Variants in CSMD1 observed in about 807,000 individuals in gnomAD.
The protein encoded by CSMD1 is CUB and Sushi multiple domains 1.
Under a neutral mutation model 417.5 loss-of-function variants are expected in CSMD1, and 213 were observed. That is an observed-to-expected ratio of 0.51 (90% confidence interval 0.46 to 0.57). The LOEUF (loss-of-function observed/expected upper bound fraction) is 0.57, where lower values mean the gene tolerates loss of function less well. Among genes scored for constraint, CSMD1 ranks in the 20% least tolerant of loss-of-function variants. The pLI is 0.00. For missense variants in CSMD1, 6,923 were observed against 4,529.7 expected (o/e 1.53, Z -15.17); for synonymous variants, 2,862 against 1,736.8 (o/e 1.65, Z -16.11).
chr8:3,828,912 T>G (rs1274284101), intron 5 of CSMD1, among the ~76,000 whole-genome samples: 1 of 152,178 alleles, frequency 6.6e-6, no homozygotes, highest in Non-Finnish European at 1.5e-5. Context: ...GGCCTTCAGC[T>G]CACCCATTAC....
At chr8:4,682,498 C>G (rs1243831065) in intron 1 of CSMD1, among the ~76,000 whole-genome samples, 1 of 151,288 alleles carries the variant, frequency 6.6e-6, no homozygotes, top group Non-Finnish European at 1.5e-5. Flanking sequence ...ATGAAAGATA[C>G]AGGAAAAAGA....
At chr8:4,688,540 T>G (rs1038858769) in intron 1 of CSMD1, among the ~76,000 whole-genome samples, 1 of 152,184 alleles carries the variant, frequency 6.6e-6, no homozygotes, top group Non-Finnish European at 1.5e-5. Flanking sequence ...TTCTCCAAAA[T>G]GGCTCTTAAT....
At chr8:3,538,181 C>G (rs1054790221) in intron 10 of CSMD1, among the ~76,000 whole-genome samples, 1 of 151,888 alleles carries the variant, frequency 6.6e-6, no homozygotes, top group African/African-American at 2.4e-5. Context: ...GACGGATCAA[C>G]TACACCTTGC....
intron 15 of CSMD1, 44 bp downstream of exon 15, chr8:3,405,983 G>A (rs1812319998): frequency 1.9e-6 from 3 of 1,575,420 alleles, no homozygotes; most frequent in African/African-American, 2.7e-5. Flanking sequence ...GAAGATAGAT[G>A]TGTGATTTCA....
At chr8:3,035,649 G>A (rs1265260320) in intron 50 of CSMD1, among the ~76,000 whole-genome samples, 1 of 152,138 alleles carries the variant, frequency 6.6e-6, no homozygotes, top group Non-Finnish European at 1.5e-5. Flanking sequence ...TAAAATTTTG[G>A]TCAACCTGGG....
chr8:3,425,987 A>G (rs1399994114), intron 12 of CSMD1, among the ~76,000 whole-genome samples: 1 of 152,204 alleles, frequency 6.6e-6, no homozygotes, highest in Admixed American at 6.5e-5. Context: ...TCTGTGAACA[A>G]AAAAGCTGGG....
intron 2 of CSMD1, among the ~76,000 whole-genome samples, chr8:4,567,128 T>C (rs1463701616): frequency 2.6e-5 from 4 of 152,182 alleles, no homozygotes; most frequent in Non-Finnish European, 4.4e-5. Context: ...AATCACAGCA[T>C]CACAGCCCTA....
chr8:4,619,066 T>G (rs1226217879), intron 2 of CSMD1, among the ~76,000 whole-genome samples: 1 of 152,170 alleles, frequency 6.6e-6, no homozygotes, highest in Non-Finnish European at 1.5e-5. Context: ...TTTTTCCCGG[T>G]ACGAAAGCCA....
intron 2 of CSMD1, among the ~76,000 whole-genome samples, chr8:4,426,363 T>C (rs902169701): frequency 9.3e-5 from 14 of 150,242 alleles, no homozygotes; most frequent in Non-Finnish European, 1.9e-4. Context: ...AAAATCCTTT[T>C]TATATATTTT....
At chr8:4,380,469 C>T (rs981174594) in intron 3 of CSMD1, among the ~76,000 whole-genome samples, 1 of 152,156 alleles carries the variant, frequency 6.6e-6, no homozygotes, top group Admixed American at 6.5e-5. Flanking sequence ...TCCAATCTGT[C>T]GAGGTCATCA....
chr8:4,296,902 G>C (rs557339049), intron 3 of CSMD1, among the ~76,000 whole-genome samples: 11 of 152,170 alleles, frequency 7.2e-5, no homozygotes, highest in Admixed American at 3.3e-4. Flanking sequence ...ATCTCATGGA[G>C]ATTATATTCC....
intron 50 of CSMD1, among the ~76,000 whole-genome samples, chr8:3,037,967 T>C (rs1810807841): frequency 1.3e-5 from 2 of 152,210 alleles, no homozygotes; most frequent in African/African-American, 4.8e-5. Flanking sequence ...CACTACTGTT[T>C]TTTCCATTTG....
At chr8:3,238,177 G>C (rs1032530101) in intron 26 of CSMD1, among the ~76,000 whole-genome samples, 6 of 151,956 alleles carry the variant, frequency 3.9e-5, no homozygotes, top group Non-Finnish European at 7.4e-5. Flanking sequence ...TTGTTCTCTG[G>C]TGGGCAGGTG....
rs941025176 is a variant in CSMD1, at chr8:2,952,097, C to A, written c.10040-822G>T. ...GTTTAAAAATGTGTATAAAATCCTG[C>A]CATTTTCACACATAAACGTGAATTG... is the stretch of plus-strand genomic sequence containing the variant. On this transcript the variant is annotated intron_variant, in intron 65 of 69. Coordinates refer to ENST00000635120, the MANE Select transcript of CSMD1 (RefSeq NM_033225.6). Among the ~76,000 whole-genome samples the A allele has an allele frequency of 6.6e-5, 10 of 152,100 alleles. No individual in the cohort carries two copies. The East Asian group carries it at 1.4e-3, about 21-fold the overall frequency.
At chr8:3,499,873 C>A (rs1038023136) in intron 10 of CSMD1, among the ~76,000 whole-genome samples, 3 of 152,018 alleles carry the variant, frequency 2.0e-5, no homozygotes, top group African/African-American at 7.2e-5. Context: ...GAAAATGGCA[C>A]CATGCTGCAG....
chr8:4,491,828 A>C (rs1801719422), intron 2 of CSMD1, among the ~76,000 whole-genome samples: 1 of 152,178 alleles, frequency 6.6e-6, no homozygotes, highest in African/African-American at 2.4e-5. Flanking sequence ...TTACAAAGCT[A>C]AACACAGTCT....
At chr8:4,362,119 G>C (rs1260395124) in intron 3 of CSMD1, among the ~76,000 whole-genome samples, 1 of 152,114 alleles carries the variant, frequency 6.6e-6, no homozygotes, top group Non-Finnish European at 1.5e-5. Flanking sequence ...ACAAATCCAA[G>C]TACTTTATAA....
At chr8:2,999,554 G>A (rs1193493111) in intron 53 of CSMD1, among the ~76,000 whole-genome samples, 2 of 152,174 alleles carry the variant, frequency 1.3e-5, no homozygotes, top group Admixed American at 1.3e-4. Flanking sequence ...GAGGCAGGGA[G>A]TGCCGCTGTT....
At chr8:4,327,058 G>A (rs532639410) in intron 3 of CSMD1, among the ~76,000 whole-genome samples, 5 of 152,124 alleles carry the variant, frequency 3.3e-5, no homozygotes, top group Non-Finnish European at 5.9e-5. Flanking sequence ...CTCAGAAGAC[G>A]ACTTCAAATA....
Sources: allele counts gnomAD v4.1 joint callset (sites outside exome capture counted in the v4.1 genomes callset), GRCh38; gene constraint gnomAD v4.1.1; transcripts MANE v1.5; gene names NCBI Gene and HGNC (gene_info 2026-07-23, HGNC 2026-07-21).